Variants in DSCAML1 observed in about 807,000 individuals in gnomAD.
DSCAML1 encodes DS cell adhesion molecule like 1.
A neutral mutation model predicts 200.5 loss-of-function variants in DSCAML1; 38 were observed. The ratio of observed to expected loss-of-function variants is 0.19; its 90% CI spans 0.15 to 0.25. The LOEUF (loss-of-function observed/expected upper bound fraction) is 0.25. Ranked by LOEUF, DSCAML1 falls within the 10% of genes least tolerant of loss-of-function variation. The pLI, the probability that DSCAML1 is intolerant of heterozygous loss-of-function variation, is 1.00. For missense variants in DSCAML1, 2,223 were observed against 2,858.8 expected (o/e 0.78, Z 5.07); for synonymous variants, 1,215 against 1,165.0 (o/e 1.04, Z -0.87).
intron 3 of DSCAML1, among the ~76,000 whole-genome samples, chr11:117,692,494 G>C (rs549138208): frequency 6.6e-6 from 1 of 152,104 alleles, no homozygotes; most frequent in Non-Finnish European, 1.5e-5. Flanking sequence ...CTAGATGTTG[G>C]TCAGGATTTT....
At chr11:117,450,071 C>T (rs537088056) in intron 20 of DSCAML1, among the ~76,000 whole-genome samples, 1 of 152,240 alleles carries the variant, frequency 6.6e-6, no homozygotes, top group Non-Finnish European at 1.5e-5. Flanking sequence ...GACGCCTGTG[C>T]CTTCTCTCGG....
intron 3 of DSCAML1, among the ~76,000 whole-genome samples, chr11:117,667,831 C>T (rs2053010866): frequency 6.6e-6 from 1 of 152,154 alleles, no homozygotes; most frequent in Non-Finnish European, 1.5e-5. Context: ...TTTTCCTGTC[C>T]CATGAGCCAC....
intron 3 of DSCAML1, among the ~76,000 whole-genome samples, chr11:117,649,037 ATATATG>A (rs1448180187): frequency 1.6e-5 from 2 of 127,978 alleles, no homozygotes; most frequent in African/African-American, 6.9e-5. Flanking sequence ...CTCTCTCCAT[ATATATG>A]TGTGTGTGTG....
chr11:117,640,210 C>A (rs953438064), intron 3 of DSCAML1, among the ~76,000 whole-genome samples: 3 of 152,216 alleles, frequency 2.0e-5, no homozygotes, highest in African/African-American at 7.2e-5. Context: ...ACTTGCCACT[C>A]CCACCTGGCA....
At chr11:117,768,004 C>G (rs1018720254) in intron 3 of DSCAML1, among the ~76,000 whole-genome samples, 1 of 152,180 alleles carries the variant, frequency 6.6e-6, no homozygotes. Flanking sequence ...CTAAGCCACA[C>G]TGCCTCTGTG....
At chr11:117,728,304 G>A (rs1716859699) in intron 3 of DSCAML1, among the ~76,000 whole-genome samples, 1 of 152,184 alleles carries the variant, frequency 6.6e-6, no homozygotes, top group Non-Finnish European at 1.5e-5. Context: ...GGGACTCTGT[G>A]ATAAACCTCT....
chr11:117,617,722 A>ACACACACACACT (rs1223275917), intron 3 of DSCAML1, among the ~76,000 whole-genome samples: 4 of 132,060 alleles, frequency 3.0e-5, no homozygotes, highest in Non-Finnish European at 6.7e-5. Flanking sequence ...ACACACACAC[A>ACACACACACACT]CTCTCACTGC....
At chr11:117,543,801 G>GT (rs55730750) in intron 3 of DSCAML1, among the ~76,000 whole-genome samples, 67,303 of 146,544 alleles carry the variant, frequency 0.46, 16,004 homozygotes, top group Non-Finnish European at 0.55. Flanking sequence ...TTATAGGGCA[G>GT]TTTTTTTTTT....
In DSCAML1 at chr11:117,431,649, G is replaced by A; in HGVS notation, c.5259C>T (p.Cys1753=). 1.2e-6 allele frequency: 2 copies of A among 1,613,328 alleles called. No homozygotes were observed. Among genetic ancestry groups the A allele is most frequent in the Non-Finnish European group, 8.5e-7 (1 of 1,179,508 alleles). Residue 1753 remains cysteine (C), a synonymous_variant, in exon 31 of 33, where the codon TGC becomes TGT. Coordinates refer to ENST00000651296, the MANE Select transcript of DSCAML1 (RefSeq NM_020693.4). ...GGGTGCGGGCAGGTGTGGAGGCCTG[G>A]CACTTGGTCAGGGTCCACTGGCTTG... The part of the protein sequence containing the change: ...RYSSQWTLTK[C]QASTPARTLT...
chr11:117,428,175 C>CA lies in DSCAML1; in HGVS notation c.*152_*153insT, dbSNP rs2047697394. ...ATAGTTTCATTTGTACAAAAGAGTT[C>CA]TATGTACAGGCGTTCATGATTGGGG... is the stretch of plus-strand genomic sequence containing the variant. On this transcript the variant is annotated 3_prime_UTR_variant, in exon 33 of 33. Transcript: ENST00000651296. 2 of 586,312 alleles carry CA rather than the reference C, an allele frequency of 3.4e-6. No individual in the cohort carries two copies. The highest frequency in any genetic ancestry group is 6.2e-5 in the East Asian group (2 of 32,150). 36.3% of individuals were successfully genotyped at this position (586,312 alleles called of 1,614,324 possible). A position where few individuals can be genotyped will look rare whatever the true frequency, so the allele number is the denominator to read the frequency against.
intron 8 of DSCAML1, among the ~76,000 whole-genome samples, chr11:117,513,866 G>GTGT (rs1460715630): frequency 6.6e-6 from 1 of 152,168 alleles, no homozygotes; most frequent in Non-Finnish European, 1.5e-5. Flanking sequence ...ACTGTGATGG[G>GTGT]TGTTGGGCAC....
intron 3 of DSCAML1, among the ~76,000 whole-genome samples, chr11:117,614,708 G>T (rs557372763): frequency 2.0e-5 from 3 of 152,178 alleles, no homozygotes; most frequent in Admixed American, 2.0e-4. Flanking sequence ...AAATTGGAAC[G>T]GTCCAGTCCT....
rs529742691 is a variant in DSCAML1 at position 117,471,388 on chromosome 11, T to C, written c.2953+481A>G. Among the ~76,000 whole-genome samples, 53 of 152,304 alleles carry C rather than the reference T, an allele frequency of 3.5e-4. 2 individuals carry two copies. In the South Asian group the frequency reaches 1.0e-2, roughly 29 times the overall value. On this transcript the variant is annotated intron_variant, in intron 15 of 32. Coordinates refer to ENST00000651296, the MANE Select transcript of DSCAML1 (RefSeq NM_020693.4). ...GGTTTCACCAAGTTGGCCAGGCTGG[T>C]CTCGTACTCCTGACCTCAGGTGATC...
intron 3 of DSCAML1, among the ~76,000 whole-genome samples, chr11:117,770,008 A>G (rs2055008352): frequency 6.6e-6 from 1 of 151,874 alleles, no homozygotes; most frequent in South Asian, 2.1e-4. Flanking sequence ...TTCATTGCCC[A>G]TTTGCCTGTG....
chr11:117,688,389 A>C (rs1017084120), intron 3 of DSCAML1, among the ~76,000 whole-genome samples: 1 of 152,142 alleles, frequency 6.6e-6, no homozygotes, highest in Non-Finnish European at 1.5e-5. Context: ...CTATTTCCTG[A>C]CAATGGTCTC....
chr11:117,576,082 A>G (rs1420239965), intron 3 of DSCAML1, among the ~76,000 whole-genome samples: 1 of 152,102 alleles, frequency 6.6e-6, no homozygotes, highest in African/African-American at 2.4e-5. Flanking sequence ...CTCCTGCCCT[A>G]TATCTGCAGA....
In DSCAML1 at chr11:117,505,442, G is replaced by C; in HGVS notation, c.2062+12C>G. 1 of 1,606,506 alleles carries C rather than the reference G, an allele frequency of 6.2e-7. No individual in the cohort carries two copies. The highest frequency in any genetic ancestry group is 1.3e-5 in the African/African-American group (1 of 75,028). On this transcript the variant is annotated intron_variant, in intron 9 of 32. Transcript: ENST00000651296. This position sits in a 1 kb window ranked among gnomAD's most constrained non-coding sequence, Gnocchi z 6.7. ...CTCCTCCCTCCCCTGAGGCTGGCCT[G>C]TCCCTGCTCACCACGCACGATGAGC... is the stretch of plus-strand genomic sequence containing the variant.
chr11:117,756,818 G>A (rs2054702108), intron 3 of DSCAML1, among the ~76,000 whole-genome samples: 1 of 152,118 alleles, frequency 6.6e-6, no homozygotes, highest in South Asian at 2.1e-4. Flanking sequence ...CACACCTTTT[G>A]TGGTGTGGGG....
chr11:117,433,011 G>A (rs779901187), intron 29 of DSCAML1, 127 bp downstream of exon 29: 1 of 774,320 alleles, frequency 1.3e-6, no homozygotes, highest in Admixed American at 2.1e-5. Context: ...TAAGGTTGTT[G>A]AGTGGTTGAT....
Sources: allele counts gnomAD v4.1 joint callset (sites outside exome capture counted in the v4.1 genomes callset), GRCh38; gene constraint gnomAD v4.1.1; non-coding constraint Gnocchi (gnomAD v3.1); transcripts MANE v1.5; gene names NCBI Gene and HGNC (gene_info 2026-07-23, HGNC 2026-07-21).